Variants in NDUFA9 observed in about 807,000 individuals in gnomAD.
The protein encoded by NDUFA9 is NADH:ubiquinone oxidoreductase subunit A9, also known as NADH dehydrogenase [ubiquinone] 1 alpha subcomplex subunit 9, mitochondrial.
NDUFA9 carries 23 observed loss-of-function variants against 45.9 expected under a neutral mutation model. The observed-to-expected ratio is 0.50, with a 90% CI of 0.36 to 0.71. The LOEUF (loss-of-function observed/expected upper bound fraction) is 0.71, where lower values mean the gene tolerates loss of function less well. NDUFA9 is among the 30% of genes least tolerant of loss of function. The pLI, the probability that NDUFA9 is intolerant of heterozygous loss-of-function variation, is 0.00. For missense variants in NDUFA9, 466 were observed against 488.2 expected (o/e 0.95, Z 0.43); for synonymous variants, 176 against 170.5 (o/e 1.03, Z -0.25).
At chr12:4,676,111 C>A (rs61909967) in intron 8 of NDUFA9, among the ~76,000 whole-genome samples, 351 of 152,296 alleles carry the variant, frequency 2.3e-3, no homozygotes, top group Non-Finnish European at 3.2e-3. Flanking sequence ...TAAGAACCCT[C>A]AATAAACTAG....
chr12:4,687,563 C>A lies in NDUFA9; in HGVS notation c.*455C>A, dbSNP rs1163081336. Reference sequence around the variant, plus strand: ...AATTTATTTTAATAATGTCCATATGCCTTTTAAAAATAGTAGTACATATAT... The same window carrying A: ...AATTTATTTTAATAATGTCCATATGACTTTTAAAAATAGTAGTACATATAT... On this transcript the variant is annotated 3_prime_UTR_variant, in exon 11 of 11. Transcript: ENST00000266544. The A allele has an allele frequency of 6.6e-6, 1 of 152,476 alleles. No homozygotes were observed. The highest frequency in any genetic ancestry group is 1.5e-5 in the Non-Finnish European group (1 of 68,298). The allele number at this position is 152,476 out of a possible 1,614,324, so 9.4% of individuals were successfully genotyped here.
chr12:4,662,642 A>T lies in NDUFA9; in HGVS notation c.655+7A>T. 1 of 1,604,730 alleles carries T rather than the reference A, an allele frequency of 6.2e-7. No homozygotes were observed. The highest frequency in any genetic ancestry group is 2.2e-5 in the East Asian group (1 of 44,786). On this transcript the variant is annotated splice_region_variant and intron_variant, in intron 6 of 10. Transcript: ENST00000266544. Reference sequence around the variant, plus strand: ...TTCCTTAATTCTTTTGCAAGTACGTATTCTTTCTTAATGGTAGAAGAGAGG... The same window carrying T: ...TTCCTTAATTCTTTTGCAAGTACGTTTTCTTTCTTAATGGTAGAAGAGAGG...
intron 1 of NDUFA9, among the ~76,000 whole-genome samples, chr12:4,651,299 A>G (rs541301912): frequency 1.3e-5 from 2 of 152,204 alleles, no homozygotes; most frequent in Non-Finnish European, 2.9e-5. Flanking sequence ...AATAGTACTC[A>G]TAATAAATGG....
intron 3 of NDUFA9, among the ~76,000 whole-genome samples, chr12:4,656,353 G>T (rs193253564): frequency 2.0e-5 from 3 of 152,270 alleles, no homozygotes. Flanking sequence ...CCTCAAAATT[G>T]AAGTATTTAA....
chr12:4,654,910 G>A lies in NDUFA9; in HGVS notation c.306G>A (p.Gln102=), dbSNP rs763359851. 24 of 1,613,242 alleles carry A rather than the reference G, an allele frequency of 1.5e-5. No individual in the cohort carries two copies. Among genetic ancestry groups the A allele is most frequent in the Non-Finnish European group, 1.9e-5 (23 of 1,179,584 alleles). ...TTCGTCCCATGGGTGACCTGGGCCA[G>A]CTTCTGTTTCTGGTAAGGGCCTTTA... ...MHLRPMGDLG[Q]LLFLEWDARD... The change falls in exon 3 of 11, where the codon CAG becomes CAA. Residue 102 remains glutamine (Q), a synonymous_variant. Transcript: ENST00000266544.
At position 4,662,573 on chromosome 12, in the gene NDUFA9, C is replaced by T; in HGVS notation, c.593C>T (p.Ala198Val). 6.2e-7 allele frequency: 1 copy of T among 1,613,916 alleles called. No individual in the cohort carries two copies. Among genetic ancestry groups the T allele is most frequent in the South Asian group, 1.1e-5 (1 of 91,060 alleles). Residue 198 changes from alanine to valine, a missense_variant, in exon 6 of 11, where the codon GCC becomes GTC. Physicochemically the swap from Ala to Val is moderately conservative, Grantham distance 64. Coordinates refer to ENST00000266544, the MANE Select transcript of NDUFA9 (RefSeq NM_005002.5). Reference protein sequence around the residue: ...EKVVRDAFPEAIIVKPSDIFG... With the variant: ...EKVVRDAFPEVIIVKPSDIFG... ...GTAGTGAGAGATGCATTTCCGGAAGCCATTATCGTAAAGCCGTCGGACATC... is the reference window on the plus strand; with the variant it reads ...GTAGTGAGAGATGCATTTCCGGAAGTCATTATCGTAAAGCCGTCGGACATC...
chr12:4,691,123 A>T lies in NDUFA9; in HGVS notation c.*4015A>T, dbSNP rs1946016680. The T allele has an allele frequency of 6.6e-6, 1 of 152,116 alleles. No homozygotes were observed. Among genetic ancestry groups the T allele is most frequent in the South Asian group, 2.1e-4 (1 of 4,824 alleles). 9.4% of individuals were successfully genotyped at this position (152,116 alleles called of 1,614,324 possible). A position where few individuals can be genotyped will look rare whatever the true frequency, so the allele number is the denominator to read the frequency against. On this transcript the variant is annotated 3_prime_UTR_variant, in exon 11 of 11. Coordinates refer to ENST00000266544, the MANE Select transcript of NDUFA9 (RefSeq NM_005002.5). ...GTTGTGAGATTGGACAAGTCACTTG[A>T]CCTCTCTTTGTCAGCCTCAGTTTTC...
chr12:4,680,583 A>G (rs139245164), intron 8 of NDUFA9, among the ~76,000 whole-genome samples: 60 of 152,282 alleles, frequency 3.9e-4, no homozygotes, highest in African/African-American at 1.4e-3. Flanking sequence ...GAGTTAGTTA[A>G]CCCATGATAC....
intron 8 of NDUFA9, among the ~76,000 whole-genome samples, chr12:4,670,251 G>C (rs1415649819): frequency 6.6e-6 from 1 of 152,188 alleles, no homozygotes. Context: ...GTGCGAGATT[G>C]ATTATTTCTT....
chr12:4,660,468 G>A (rs1945817024), intron 5 of NDUFA9, among the ~76,000 whole-genome samples: 1 of 152,146 alleles, frequency 6.6e-6, no homozygotes, highest in Admixed American at 6.5e-5. Context: ...AGAGAGGTCT[G>A]GGTTGGAGAC....
intron 8 of NDUFA9, among the ~76,000 whole-genome samples, chr12:4,678,388 C>T (rs1264928489): frequency 6.6e-6 from 1 of 151,806 alleles, no homozygotes; most frequent in East Asian, 1.9e-4. Flanking sequence ...ACCTTGGATT[C>T]TAGAAGATTT....
chr12:4,653,225 T>A (rs1019103629), intron 1 of NDUFA9, among the ~76,000 whole-genome samples: 1 of 152,264 alleles, frequency 6.6e-6, no homozygotes, highest in Non-Finnish European at 1.5e-5. Context: ...GGACAGGGAA[T>A]GTTTAACCTG....
chr12:4,674,288 A>T (rs1033387354), intron 8 of NDUFA9, among the ~76,000 whole-genome samples: 4 of 152,364 alleles, frequency 2.6e-5, no homozygotes, highest in African/African-American at 7.2e-5. Context: ...AGCTAGCATC[A>T]TAATGGCAGG....
intron 5 of NDUFA9, among the ~76,000 whole-genome samples, chr12:4,661,127 A>G (rs4766269): frequency 0.28 from 42,775 of 152,026 alleles, 6,208 homozygotes; most frequent in Middle Eastern, 0.39. Context: ...GTGAAAGGAC[A>G]TGAGCTCTAA....
chr12:4,691,649 A>G lies in NDUFA9; in HGVS notation c.*4541A>G, dbSNP rs1414993449. The G allele has an allele frequency of 6.6e-6, 1 of 152,232 alleles. No homozygotes were observed. The highest frequency in any genetic ancestry group is 2.4e-5 in the African/African-American group (1 of 41,464). The allele number at this position is 152,232 out of a possible 1,614,324, so 9.4% of individuals were successfully genotyped here. On this transcript the variant is annotated 3_prime_UTR_variant, in exon 11 of 11. Transcript: ENST00000266544. ...TAAGGAGAGACTTAAACTTGAAAAG[A>G]TTCTTGTGAGAGAAGGAAAGGGGCT... is the stretch of plus-strand genomic sequence containing the variant.
Position 4,690,576 on chromosome 12 carries a change from C to G in NDUFA9, c.*3468C>G, listed in dbSNP as rs1027550990. 1.3e-5 allele frequency: 2 copies of G among 152,090 alleles called. No homozygotes were observed. Among genetic ancestry groups the G allele is most frequent in the Admixed American group, 6.6e-5 (1 of 15,248 alleles). The allele number at this position is 152,090 out of a possible 1,614,324, so 9.4% of individuals were successfully genotyped here. On this transcript the variant is annotated 3_prime_UTR_variant, in exon 11 of 11. Transcript: ENST00000266544. Reference sequence around the variant, plus strand: ...AAAAATCAGCCAGGCATGGTGGGGCCCACCTGTATATAGTCCCAGCCCAGG... The same window carrying G: ...AAAAATCAGCCAGGCATGGTGGGGCGCACCTGTATATAGTCCCAGCCCAGG...
intron 5 of NDUFA9, 91 bp downstream of exon 5, chr12:4,659,268 AG>A (rs1945809869): frequency 8.6e-7 from 1 of 1,162,410 alleles, no homozygotes; most frequent in African/African-American, 1.5e-5. Context: ...GGTTTATCAC[AG>A]ACATATGTAG....
At chr12:4,671,849 TA>T (rs1411476767) in intron 8 of NDUFA9, among the ~76,000 whole-genome samples, 1 of 151,786 alleles carries the variant, frequency 6.6e-6, no homozygotes. Flanking sequence ...ATATCCACAT[TA>T]AAAAAAAGAT....
At chr12:4,671,401 TA>T (rs1019314611) in intron 8 of NDUFA9, among the ~76,000 whole-genome samples, 12 of 152,214 alleles carry the variant, frequency 7.9e-5, no homozygotes, top group African/African-American at 2.9e-4. Flanking sequence ...CACAGCAGCA[TA>T]AAAAATAATA....
Sources: gnomAD v4.1 joint callset for allele counts (sites outside exome capture counted in the v4.1 genomes callset) on GRCh38, gnomAD v4.1.1 for gene constraint, MANE v1.5 for transcripts, NCBI Gene and HGNC (gene_info 2026-07-23, HGNC 2026-07-21) for gene names.